Variants in LRRC14B observed in about 807,000 individuals in gnomAD.
LRRC14B encodes leucine rich repeat containing 14B, also known as leucine-rich repeat-containing protein 14B.
A neutral mutation model predicts 16.9 loss-of-function variants in LRRC14B; 23 were observed. That is an observed-to-expected ratio of 1.36 (90% CI 0.98 to 1.92). The LOEUF (loss-of-function observed/expected upper bound fraction) is 1.92. Among genes scored for constraint, LRRC14B ranks in the 30% most tolerant of loss-of-function variants. LRRC14B has a pLI of 0.00. For missense variants in LRRC14B, 766 were observed against 705.7 expected (o/e 1.09, Z -0.97); for synonymous variants, 358 against 332.5 (o/e 1.08, Z -0.83).
Position 194,699 on chromosome 5 carries a change from G to C in LRRC14B, c.900-9G>C. 1 of 1,589,552 alleles carries C rather than the reference G, an allele frequency of 6.3e-7. No homozygotes were observed. Among genetic ancestry groups the C allele is most frequent in the Non-Finnish European group, 8.6e-7 (1 of 1,166,892 alleles). ...CTCTCACCTGTGCTCTTTCCCCCGT[G>C]TCCTGCAGCCCCCTACAGACCCCGC... On this transcript the variant is annotated splice_polypyrimidine_tract_variant and intron_variant, in intron 1 of 1. Coordinates refer to ENST00000328278, the MANE Select transcript of LRRC14B (RefSeq NM_001080478.3).
intron 1 of LRRC14B, among the ~76,000 whole-genome samples, 180 bp from the exon 2 acceptor site, chr5:194,528 A>G (rs954524577): frequency 1.3e-5 from 2 of 152,186 alleles, no homozygotes; most frequent in African/African-American, 4.8e-5. Flanking sequence ...ACGTTTCACA[A>G]ACTATTATAT....
At chr5:194,580 A>T in intron 1 of LRRC14B, 128 bp from the exon 2 acceptor site, 1 of 784,288 alleles carries the variant, frequency 1.3e-6, no homozygotes, top group Non-Finnish European at 2.0e-6. Context: ...GTATGAAATT[A>T]GGCGGTGGTT....
At position 192,351 on chromosome 5, in the gene LRRC14B, C is replaced by A. The variant is rs750526756; in HGVS notation, c.813C>A (p.Ile271=). The A allele has an allele frequency of 1.3e-6, 2 of 1,592,324 alleles. No individual in the cohort carries two copies. The highest frequency in any genetic ancestry group is 1.7e-5 in the Admixed American group (1 of 57,462). Residue 271 remains isoleucine, a synonymous_variant, in exon 1 of 2, where the codon ATC becomes ATA. Transcript: ENST00000328278. ...GCGAGGACCCCCTCCTCGCCTCCAT[C>A]GCCCGGGAGCTCAGCAAGATGGCGC... is the stretch of plus-strand genomic sequence containing the variant. ...PDGEDPLLAS[I]ARELSKMAQL...
At chr5:194,492 C>T (rs1004875686) in intron 1 of LRRC14B, among the ~76,000 whole-genome samples, 5 of 152,300 alleles carry the variant, frequency 3.3e-5, no homozygotes, top group South Asian at 2.1e-4. Flanking sequence ...TTATGGACAC[C>T]GAGTTTGAAT....
rs1478274785 is a variant in LRRC14B at position 192,282 on chromosome 5, C to G, written c.744C>G (p.Thr248=). ...GGCTGGCCTCGCTCACCCTGCCCACCAAGGCCTTTGATGCACCCCCCACCT... is the reference window on the plus strand; with the variant it reads ...GGCTGGCCTCGCTCACCCTGCCCACGAAGGCCTTTGATGCACCCCCCACCT... ...FPRLASLTLP[T]KAFDAPPTYA... is the part of the protein sequence containing the mutation. The change falls in exon 1 of 2, where the codon ACC becomes ACG. Residue 248 remains threonine, a synonymous_variant. Transcript: ENST00000328278. 1.3e-6 allele frequency: 2 copies of G among 1,599,740 alleles called. No homozygotes were observed. Among genetic ancestry groups the G allele is most frequent in the Non-Finnish European group, 1.7e-6 (2 of 1,174,408 alleles).
chr5:191,711 C>A lies in LRRC14B; in HGVS notation c.173C>A (p.Pro58His). 6.3e-7 allele frequency: 1 copy of A among 1,586,108 alleles called. No individual in the cohort carries two copies. Among genetic ancestry groups the A allele is most frequent in the Non-Finnish European group, 8.6e-7 (1 of 1,166,956 alleles). ...ACGCGCGCGGTGCTGGGGCGCTGGC[C>A]CCTGGAGGAGTTCCGGCTGGGAGCG... ...EVTRAVLGRW[P>H]LEEFRLGALL... is the part of the protein sequence containing the mutation. Residue 58 changes from proline (P) to histidine (H), a missense_variant, in exon 1 of 2, where the codon CCC becomes CAC. Physicochemically the swap from Pro to His is moderately conservative, Grantham distance 77. Transcript: ENST00000328278.
At chr5:192,563 G>A in intron 1 of LRRC14B, 126 bp downstream of exon 1, 1 of 1,023,428 alleles carries the variant, frequency 9.8e-7, no homozygotes, top group Non-Finnish European at 1.3e-6. Context: ...TCCGGGTGTG[G>A]CCACAGCCAC....
In LRRC14B at chr5:196,153, C is replaced by G. The variant is rs1733915816; in HGVS notation, c.*800C>G. ...TCACTGTGTCCTGCGGGGCTTGAGG[C>G]TTAGACTGACGGGAGCTATTCCGGG... On this transcript the variant is annotated 3_prime_UTR_variant, in exon 2 of 2. Coordinates refer to ENST00000328278, the MANE Select transcript of LRRC14B (RefSeq NM_001080478.3). 1 of 152,194 alleles carries G rather than the reference C, an allele frequency of 6.6e-6. No homozygotes were observed. The allele number at this position is 152,194 out of a possible 1,614,324, so 9.4% of individuals were successfully genotyped here.
chr5:194,569 T>G, intron 1 of LRRC14B, 139 bp from the exon 2 acceptor site: 1 of 705,090 alleles, frequency 1.4e-6, no homozygotes, highest in Non-Finnish European at 2.4e-6. Flanking sequence ...GCTCATAGGC[T>G]GTATGAAATT....
At position 191,963 on chromosome 5, in the gene LRRC14B, G is replaced by T. The variant is rs1465464917; in HGVS notation, c.425G>T (p.Cys142Phe). 6.5e-7 allele frequency: 1 copy of T among 1,528,352 alleles called. No homozygotes were observed. Among genetic ancestry groups the T allele is most frequent in the East Asian group, 2.5e-5 (1 of 40,670 alleles). The allele number at this position is 1,528,352 out of a possible 1,614,324, so 94.7% of individuals were successfully genotyped here. Reference sequence around the variant, plus strand: ...CGCACCCAGCTGCTGGCCAGGACCTGCTGTGAGCTGCAGGCAGAGCCCCTC... The same window carrying T: ...CGCACCCAGCTGCTGGCCAGGACCTTCTGTGAGCTGCAGGCAGAGCCCCTC... Reference protein sequence around the residue: ...WGRTQLLARTCCELQAEPLAA... With the variant: ...WGRTQLLARTFCELQAEPLAA... The change falls in exon 1 of 2, where the codon TGC (cysteine) becomes TTC (phenylalanine). Residue 142 changes from cysteine (C) to phenylalanine (F), a missense_variant. Cys to Phe is a radical substitution (Grantham distance 205, BLOSUM62 -2). Coordinates refer to ENST00000328278, the MANE Select transcript of LRRC14B (RefSeq NM_001080478.3).
At chr5:193,336 G>A (rs1733847685) in intron 1 of LRRC14B, among the ~76,000 whole-genome samples, 1 of 146,512 alleles carries the variant, frequency 6.8e-6, no homozygotes, top group Admixed American at 6.8e-5. Flanking sequence ...CTGGCAGTGG[G>A]TCTAGGGGGA....
In LRRC14B at chr5:191,559, C is replaced by G. The variant is rs763179316; in HGVS notation, c.21C>G (p.Leu7=). MDTMRS[L]RFISAEALVS... ...GGGCCATGGACACAATGAGGTCACT[C>G]CGCTTCATTTCTGCAGAAGCTCTGG... The change falls in exon 1 of 2, where the codon CTC becomes CTG. Residue 7 remains leucine (L), a synonymous_variant. Transcript: ENST00000328278. 17 of 1,611,956 alleles carry G rather than the reference C, an allele frequency of 1.1e-5. No individual in the cohort carries two copies. The highest frequency in any genetic ancestry group is 1.4e-5 in the Non-Finnish European group (17 of 1,179,200).
rs776073523 is a variant in LRRC14B, at chr5:195,173, C to T, written c.1365C>T (p.Ala455=). Residue 455 remains alanine, a synonymous_variant, in exon 2 of 2, where the codon GCC becomes GCT. Coordinates refer to ENST00000328278, the MANE Select transcript of LRRC14B (RefSeq NM_001080478.3). ...ACCAGCAGAAATACGACGAGATCGC[C>T]GAGGAGCTGCGTGCCGTGCTGCTGC... ...KFNQQKYDEI[A]EELRAVLLRA... The T allele has an allele frequency of 2.2e-5, 35 of 1,613,922 alleles. No individual in the cohort carries two copies. The African/African-American group carries it at 2.7e-4, about 12-fold the overall frequency.
Position 191,927 on chromosome 5 carries a change from G to A in LRRC14B, c.389G>A (p.Gly130Asp). ...VQRCPCGRAL[G>D]RWGRTQLLAR... is the part of the protein sequence containing the mutation. ...CGGTGCCCGTGCGGGAGGGCGCTGG[G>A]CAGGTGGGGCCGCACCCAGCTGCTG... Residue 130 changes from glycine (G) to aspartate (D), a missense_variant, in exon 1 of 2, where the codon GGC (glycine) becomes GAC (aspartate). By Grantham distance (94) the Gly-to-Asp change is moderately conservative. Coordinates refer to ENST00000328278, the MANE Select transcript of LRRC14B (RefSeq NM_001080478.3). 6.6e-7 allele frequency: 1 copy of A among 1,512,776 alleles called. No individual in the cohort carries two copies. Among genetic ancestry groups the A allele is most frequent in the African/African-American group, 1.4e-5 (1 of 71,984 alleles). 93.7% of individuals were successfully genotyped at this position (1,512,776 alleles called of 1,614,324 possible). A position where few individuals can be genotyped will look rare whatever the true frequency, so the allele number is the denominator to read the frequency against.
At chr5:193,199 C>T (rs557724445) in intron 1 of LRRC14B, among the ~76,000 whole-genome samples, 1 of 148,842 alleles carries the variant, frequency 6.7e-6, no homozygotes, top group South Asian at 2.2e-4. Context: ...TGGGAGGGAG[C>T]CTGGTGGTGG....
chr5:191,686 A>ACG lies in LRRC14B; in HGVS notation c.155_156dup (p.Val53ArgfsTer125), dbSNP rs752589217. Reference sequence around the variant, plus strand: ...CTACCTGCTGGAGCAGGCGGAGGTGACGCGCGCGGTGCTGGGGCGCTGGCC... The same window carrying ACG: ...CTACCTGCTGGAGCAGGCGGAGGTGACGCGCGCGCGGTGCTGGGGCGCTGGCC... On this transcript the variant is annotated frameshift_variant, in exon 1 of 2. Coordinates refer to ENST00000328278, the MANE Select transcript of LRRC14B (RefSeq NM_001080478.3). LOFTEE classifies it high-confidence loss of function. 1.9e-6 allele frequency: 3 copies of ACG among 1,600,684 alleles called. No individual in the cohort carries two copies. The highest frequency in any genetic ancestry group is 2.3e-5 in the East Asian group (1 of 44,212).
Position 194,764 on chromosome 5 carries a change from C to T in LRRC14B, c.956C>T (p.Thr319Met), listed in dbSNP as rs374638282. The stretch of plus-strand genomic sequence containing the variant: ...CTGGCCAACTGTGCCCTGAACCACA[C>T]GGACATGGCCTTCTTGGCAGACTGT... ...LDLANCALNH[T>M]DMAFLADCAH... Residue 319 changes from threonine (T) to methionine (M), a missense_variant, in exon 2 of 2, where the codon ACG becomes ATG. Thr to Met is a moderately conservative substitution (Grantham distance 81, BLOSUM62 -1). Transcript: ENST00000328278. 213 of 1,613,306 alleles carry T rather than the reference C, an allele frequency of 1.3e-4. No individual in the cohort carries two copies. The highest frequency in any genetic ancestry group is 1.4e-4 in the Non-Finnish European group (165 of 1,179,656).
intron 1 of LRRC14B, 78 bp downstream of exon 1, chr5:192,515 T>G: frequency 7.4e-7 from 1 of 1,351,908 alleles, no homozygotes; most frequent in Non-Finnish European, 9.6e-7. Flanking sequence ...CCTGCTCATG[T>G]CCAAGGCCAT....
At chr5:193,118 T>G in intron 1 of LRRC14B, among the ~76,000 whole-genome samples, 2 of 137,150 alleles carry the variant, frequency 1.5e-5, no homozygotes, top group East Asian at 2.3e-4. Flanking sequence ...GGAGGGGGAG[T>G]GCCTAGCGGT....
Sources: allele counts gnomAD v4.1 joint callset (sites outside exome capture counted in the v4.1 genomes callset), GRCh38; gene constraint gnomAD v4.1.1; transcripts MANE v1.5; gene names NCBI Gene and HGNC (gene_info 2026-07-23, HGNC 2026-07-21).